The following SEM1 variants were observed in gnomAD, a reference collection of about 807,000 sequenced individuals.
SEM1 encodes SEM1 26S proteasome subunit.
A neutral mutation model predicts 12.7 loss-of-function variants in SEM1; 3 were observed. The ratio of observed to expected loss-of-function variants is 0.24; its 90% CI spans 0.11 to 0.61. The LOEUF (loss-of-function observed/expected upper bound fraction) is 0.61, where lower values mean the gene tolerates loss of function less well. SEM1 is among the 20% of genes least tolerant of loss of function. The probability of loss-of-function intolerance (pLI) is 0.88; values close to 1 mark genes in which losing one functional copy is unlikely to be tolerated. For synonymous variants in SEM1, 30 were observed against 27.8 expected (o/e 1.08, Z -0.25); for missense variants, 59 against 81.3 (o/e 0.73, Z 1.06).
chr7:96,619,712 G>A (rs746723793), downstream of SEM1, among the ~76,000 whole-genome samples: 9 of 151,984 alleles, frequency 5.9e-5, no homozygotes, highest in Non-Finnish European at 1.3e-4. Context: ...AGCAGTCTGT[G>A]TTGGTATTGC....
chr7:96,563,024 G>A (rs1468915589), intron 2 of SEM1, among the ~76,000 whole-genome samples: 1 of 152,182 alleles, frequency 6.6e-6, no homozygotes, highest in Non-Finnish European at 1.5e-5. Context: ...TAGACAGCAT[G>A]CTGATTGCTA....
chr7:96,680,521 T>C (rs1789578605), intron 2 of SEM1, among the ~76,000 whole-genome samples: 1 of 152,110 alleles, frequency 6.6e-6, no homozygotes, highest in African/African-American at 2.4e-5. Context: ...AAATGTGTTG[T>C]GCACTACTGG....
chr7:96,492,525 T>G (rs577354732), intron 1 of SEM1, among the ~76,000 whole-genome samples: 4 of 151,546 alleles, frequency 2.6e-5, no homozygotes, highest in African/African-American at 9.7e-5. Flanking sequence ...TCATCCTGTC[T>G]CAGCCTTCTG....
At chr7:96,541,838 G>T (rs765605201) in intron 2 of SEM1, among the ~76,000 whole-genome samples, 9 of 151,408 alleles carry the variant, frequency 5.9e-5, no homozygotes, top group African/African-American at 2.2e-4. Context: ...TGAGTAGTGA[G>T]TCCTTTCCCC....
intron 2 of SEM1, among the ~76,000 whole-genome samples, chr7:96,580,231 G>C (rs1266488299): frequency 8.2e-5 from 12 of 146,592 alleles, no homozygotes; most frequent in Non-Finnish European, 1.8e-4. Flanking sequence ...TTGGTTTTTT[G>C]TTCTTGTGAT....
intron 2 of SEM1, among the ~76,000 whole-genome samples, chr7:96,571,098 A>AT (rs1243653136): frequency 2.0e-5 from 3 of 151,456 alleles, no homozygotes; most frequent in Non-Finnish European, 2.9e-5. Context: ...TAGATTTTGG[A>AT]TATTAGCCCT....
chr7:96,632,916 C>T (rs895030050), intron 2 of SEM1, among the ~76,000 whole-genome samples: 1 of 151,572 alleles, frequency 6.6e-6, no homozygotes, highest in South Asian at 2.1e-4. Flanking sequence ...TTTTTAAATG[C>T]ACCCTGATAT....
chr7:96,492,165 C>G (rs918456134), intron 1 of SEM1, among the ~76,000 whole-genome samples: 6 of 152,148 alleles, frequency 3.9e-5, no homozygotes, highest in Admixed American at 3.3e-4. Flanking sequence ...ACTGTCACCA[C>G]CATCGTCTCC....
intron 2 of SEM1, among the ~76,000 whole-genome samples, chr7:96,552,276 G>A (rs2115849266): frequency 6.6e-6 from 1 of 152,048 alleles, no homozygotes; most frequent in African/African-American, 2.4e-5. Context: ...GTGCCATGCT[G>A]GTGCGCTGCA....
chr7:96,660,856 A>G (rs371570680), intron 2 of SEM1, among the ~76,000 whole-genome samples: 1 of 152,182 alleles, frequency 6.6e-6, no homozygotes, highest in African/African-American at 2.4e-5. Flanking sequence ...TCTGACCACA[A>G]CAGAATTAAG....
intron 2 of SEM1, among the ~76,000 whole-genome samples, chr7:96,485,536 C>CTTTTTTTTTT (rs61088450): frequency 9.1e-5 from 7 of 76,704 alleles, no homozygotes; most frequent in South Asian, 6.3e-4. Flanking sequence ...TCTCTACATT[C>CTTTTTTTTTT]TTTTTTTTTT....
At chr7:96,593,657 C>T (rs1806906286) in intron 2 of SEM1, among the ~76,000 whole-genome samples, 1 of 152,110 alleles carries the variant, frequency 6.6e-6, no homozygotes, top group Non-Finnish European at 1.5e-5. Flanking sequence ...ATTTAAATTT[C>T]AGATAATTAT....
chr7:96,644,281 A>G (rs1180012270), intron 2 of SEM1, among the ~76,000 whole-genome samples: 1 of 152,130 alleles, frequency 6.6e-6, no homozygotes, highest in Non-Finnish European at 1.5e-5. Flanking sequence ...TTCATGAAGC[A>G]AAGTTTGGGA....
chr7:96,520,893 A>G (rs1308212692), intron 2 of SEM1, among the ~76,000 whole-genome samples: 1 of 152,116 alleles, frequency 6.6e-6, no homozygotes, highest in Non-Finnish European at 1.5e-5. Context: ...TGCAAAAGCA[A>G]GCAAGAAAAG....
chr7:96,531,413 A>T (rs1462147782), intron 2 of SEM1, among the ~76,000 whole-genome samples: 1 of 147,950 alleles, frequency 6.8e-6, no homozygotes, highest in Admixed American at 6.7e-5. Flanking sequence ...TATAAAAAAT[A>T]TAAAAAAAAA....
chr7:96,644,290 G>A (rs912859992), intron 2 of SEM1, among the ~76,000 whole-genome samples: 2 of 152,046 alleles, frequency 1.3e-5, no homozygotes, highest in East Asian at 1.9e-4. Context: ...CAAAGTTTGG[G>A]AATGCAAACA....
intron 2 of SEM1, among the ~76,000 whole-genome samples, chr7:96,681,521 T>G (rs1789611130): frequency 1.3e-5 from 2 of 152,172 alleles, no homozygotes; most frequent in African/African-American, 4.8e-5. Context: ...GTTTTAGGTC[T>G]TACGTTTAAG....
At chr7:96,566,142 C>T (rs1805837414) in intron 2 of SEM1, among the ~76,000 whole-genome samples, 1 of 151,584 alleles carries the variant, frequency 6.6e-6, no homozygotes, top group Non-Finnish European at 1.5e-5. Context: ...AAAAGTGATA[C>T]ACACATAGTT....
rs1338140911 is a variant in SEM1, at chr7:96,598,984, C to G, written c.171-92286G>C. 2.0e-5 allele frequency among the ~76,000 whole-genome samples: 3 copies of G among 151,450 alleles called. No homozygotes were observed. The East Asian group carries it at 5.8e-4, about 29-fold the overall frequency. On this transcript the variant is annotated intron_variant and NMD_transcript_variant, in intron 2 of 3. Transcript: ENST00000466986. The stretch of plus-strand genomic sequence containing the variant: ...AAGTTCAAGCAAAGAGAGATACAAC[C>G]AAGAGGGAAGCTGTGCCAACAGAAA...
Sources: allele counts gnomAD v4.1 joint callset (sites outside exome capture counted in the v4.1 genomes callset), GRCh38; gene constraint gnomAD v4.1.1; transcripts MANE v1.5; gene names NCBI Gene and HGNC (gene_info 2026-07-23, HGNC 2026-07-21).